Variants in LRRC37A2 observed in about 807,000 individuals in gnomAD.
The protein encoded by LRRC37A2 is leucine rich repeat containing 37 member A2, also known as leucine-rich repeat-containing protein 37A2.
LRRC37A2 carries 9 observed loss-of-function variants against 68.8 expected under a neutral mutation model. The ratio of observed to expected loss-of-function variants is 0.13; its 90% CI spans 0.08 to 0.23. LRRC37A2 has a LOEUF of 0.23. Ranked by LOEUF, LRRC37A2 falls within the 10% of genes least tolerant of loss-of-function variation. The pLI, the probability that LRRC37A2 is intolerant of heterozygous loss-of-function variation, is 1.00. For missense variants in LRRC37A2, 168 were observed against 950.4 expected (o/e 0.18, Z 10.82); for synonymous variants, 63 against 367.6 (o/e 0.17, Z 9.48).
At chr17:46,737,487 G>T in the LRRC37A2 span, among the ~76,000 whole-genome samples, 1 of 152,150 alleles carries the variant, frequency 6.6e-6, no homozygotes, top group Non-Finnish European at 1.5e-5. Context: ...CATACGAGGT[G>T]CTGGGGCTTG....
the LRRC37A2 span, among the ~76,000 whole-genome samples, chr17:46,805,630 A>G: frequency 1.3e-5 from 2 of 152,198 alleles, no homozygotes; most frequent in South Asian, 2.1e-4. Context: ...GCTTGCCTGT[A>G]GTCTTAGTGA....
the LRRC37A2 span, among the ~76,000 whole-genome samples, chr17:46,926,232 G>A: frequency 6.6e-6 from 1 of 152,180 alleles, no homozygotes; most frequent in Non-Finnish European, 1.5e-5. Flanking sequence ...CAAAGTGAGT[G>A]AAATGAAAAT....
the LRRC37A2 span, among the ~76,000 whole-genome samples, chr17:46,796,335 A>G: frequency 6.6e-6 from 1 of 152,226 alleles, no homozygotes; most frequent in Admixed American, 6.5e-5. Context: ...GACATCCTCT[A>G]TGCCAGGCAC....
the LRRC37A2 span, chr17:46,721,731 C>T: frequency 2.2e-5 from 36 of 1,605,160 alleles, no homozygotes; most frequent in South Asian, 1.4e-4. Context: ...TCTAGTTTGA[C>T]GGGGATTCTC....
chr17:46,495,018 C>T, the LRRC37A2 span, among the ~76,000 whole-genome samples: 20 of 149,552 alleles, frequency 1.3e-4, no homozygotes, highest in Admixed American at 4.0e-4. Flanking sequence ...TGCCTATCTC[C>T]ATGAAATCAA....
the LRRC37A2 span, among the ~76,000 whole-genome samples, chr17:46,676,206 G>A: frequency 6.8e-6 from 1 of 146,224 alleles, no homozygotes; most frequent in East Asian, 2.2e-4. Context: ...AATGGAAGCT[G>A]GGAAATCTCC....
downstream of LRRC37A2, among the ~76,000 whole-genome samples, chr17:46,558,020 C>T (rs2057374621): frequency 7.3e-6 from 1 of 137,666 alleles, no homozygotes; most frequent in Admixed American, 7.3e-5. Context: ...AAAAAGGCTG[C>T]CAGAGAAAAG....
chr17:46,872,219 C>A, the LRRC37A2 span, among the ~76,000 whole-genome samples: 1 of 152,168 alleles, frequency 6.6e-6, no homozygotes. Context: ...CCTGGGAAAG[C>A]GTATTTTTAA....
At chr17:46,811,167 G>A in the LRRC37A2 span, among the ~76,000 whole-genome samples, 3 of 144,430 alleles carry the variant, frequency 2.1e-5, 1 homozygote, top group African/African-American at 7.4e-5. Context: ...ACCCCTGCCC[G>A]CCCTACACCT....
At chr17:46,777,338 G>A in the LRRC37A2 span, among the ~76,000 whole-genome samples, 1 of 152,268 alleles carries the variant, frequency 6.6e-6, no homozygotes, top group African/African-American at 2.4e-5. Flanking sequence ...GGGGGCCCAT[G>A]CTGGCAAGGC....
rs1317837191 is a variant in LRRC37A2, at chr17:46,544,762, T to A, written c.3054-1493T>A. ...CCAATAAGCCACAACAATAAATTAA[T>A]CAATTGTCTCGGTCACCTCTTTTGC... On this transcript the variant is annotated intron_variant, in intron 8 of 14. Transcript: ENST00000576629. 1.9e-4 allele frequency among the ~76,000 whole-genome samples: 18 copies of A among 95,654 alleles called. 1 individual carries two copies. Among genetic ancestry groups the A allele is most frequent in the Non-Finnish European group, 3.5e-4 (18 of 51,602 alleles). 62.8% of individuals were successfully genotyped at this position (95,654 alleles called of 152,430 possible).
At chr17:46,392,415 C>CTT in the LRRC37A2 span, among the ~76,000 whole-genome samples, 3 of 56,256 alleles carry the variant, frequency 5.3e-5, 1 homozygote, top group Admixed American at 3.2e-4. Context: ...TTCTTTCTCT[C>CTT]TCTCTCTTTC....
intron 11 of LRRC37A2, among the ~76,000 whole-genome samples, chr17:46,551,778 TA>T (rs1598550408): frequency 7.8e-6 from 1 of 128,276 alleles, no homozygotes; most frequent in East Asian, 2.3e-4. Context: ...GGCCCTGTCT[TA>T]AAAACAGCCA....
the LRRC37A2 span, among the ~76,000 whole-genome samples, chr17:46,719,925 A>G: frequency 6.6e-6 from 1 of 152,202 alleles, no homozygotes; most frequent in African/African-American, 2.4e-5. The surrounding 1 kb of genome is among the most constrained non-coding windows in gnomAD (Gnocchi z 4.3). Context: ...ATATAGTCTT[A>G]TTTTCAAAGG....
the LRRC37A2 span, among the ~76,000 whole-genome samples, chr17:47,026,474 T>C: frequency 6.6e-6 from 1 of 152,152 alleles, no homozygotes; most frequent in Non-Finnish European, 1.5e-5. Flanking sequence ...ACTGATTCAG[T>C]TGGTCTAGAG....
chr17:46,642,225 T>C, the LRRC37A2 span, among the ~76,000 whole-genome samples: 2 of 111,146 alleles, frequency 1.8e-5, no homozygotes, highest in Non-Finnish European at 3.8e-5. Flanking sequence ...ATTGTATATA[T>C]TTATAGGGTA....
chr17:46,622,246 A>G, the LRRC37A2 span, among the ~76,000 whole-genome samples: 1 of 144,032 alleles, frequency 6.9e-6, no homozygotes, highest in East Asian at 2.2e-4. Context: ...TCACAAGGTC[A>G]GGAGATCGAG....
At chr17:46,724,755 G>A in the LRRC37A2 span, among the ~76,000 whole-genome samples, 1 of 152,076 alleles carries the variant, frequency 6.6e-6, no homozygotes, top group Non-Finnish European at 1.5e-5. Context: ...TACATAATAA[G>A]AATTCAAAAA....
chr17:47,027,428 T>A, the LRRC37A2 span: 1 of 549,610 alleles, frequency 1.8e-6, no homozygotes, highest in Non-Finnish European at 3.4e-6. Flanking sequence ...AAAGTTCAAA[T>A]ACAAGTCCAA....
Sources: gnomAD v4.1 joint callset for allele counts (sites outside exome capture counted in the v4.1 genomes callset) on GRCh38, gnomAD v4.1.1 for gene constraint, Gnocchi (gnomAD v3.1) non-coding constraint, MANE v1.5 for transcripts, NCBI Gene and HGNC (gene_info 2026-07-23, HGNC 2026-07-21) for gene names.